The following HDGFL3 variants were observed in gnomAD, a reference collection of about 807,000 sequenced individuals.
HDGFL3 encodes HDGF like 3, also known as hepatoma-derived growth factor-related protein 3.
In HDGFL3, 6 loss-of-function variants were observed where a neutral mutation model predicts 27.6. The ratio of observed to expected loss-of-function variants is 0.22; its 90% CI spans 0.12 to 0.43. The LOEUF (loss-of-function observed/expected upper bound fraction) is 0.43. Ranked by LOEUF, HDGFL3 falls within the 20% of genes least tolerant of loss-of-function variation. The probability of loss-of-function intolerance (pLI) is 1.00; values close to 1 mark genes in which losing one functional copy is unlikely to be tolerated. For synonymous variants in HDGFL3, 88 were observed against 88.9 expected, an observed-to-expected ratio of 0.99 and a Z score of 0.05; for missense variants, 207 against 250.1, an observed-to-expected ratio of 0.83 and a Z score of 1.16.
At chr15:83,144,347 A>G (rs1345259513) in intron 5 of HDGFL3, among the ~76,000 whole-genome samples, 1 of 152,110 alleles carries the variant, frequency 6.6e-6, no homozygotes, top group Non-Finnish European at 1.5e-5. Flanking sequence ...TCTCTACATC[A>G]CATTCTTGTG....
chr15:83,183,563 A>G (rs1215284163), intron 1 of HDGFL3, among the ~76,000 whole-genome samples: 2 of 152,014 alleles, frequency 1.3e-5, no homozygotes, highest in Non-Finnish European at 1.5e-5. Context: ...GAAGTCGAGA[A>G]CAGCCTGGCC....
At chr15:83,189,521 A>C (rs1231729890) in intron 1 of HDGFL3, 1 of 152,192 alleles carries the variant, frequency 6.6e-6, no homozygotes, top group African/African-American at 2.4e-5. Flanking sequence ...GTCTTCCTTT[A>C]TTATACAGAA....
chr15:83,115,274 C>T, exon 4 of HDGFL3: 1 of 220,072 alleles, frequency 4.5e-6, no homozygotes, highest in South Asian at 7.1e-5. Flanking sequence ...TGCACCACCA[C>T]ACCCAGAAAA....
rs1479351747 is a variant in HDGFL3 at position 83,128,673 on chromosome 15, A to G, written c.*10597T>C. 1 of 152,118 alleles carries G rather than the reference A, an allele frequency of 6.6e-6. No homozygotes were observed. Among genetic ancestry groups the G allele is most frequent in the Non-Finnish European group, 1.5e-5 (1 of 68,040 alleles). The allele number at this position is 152,118 out of a possible 1,614,324, so 9.4% of individuals were successfully genotyped here. ...CTTGCATGCCTCACTAGCACCTCAG[A>G]TTTAATATATAAAATAGGACCTGAT... On this transcript the variant is annotated 3_prime_UTR_variant, in exon 6 of 6. Transcript: ENST00000299633.
intron 1 of HDGFL3, among the ~76,000 whole-genome samples, chr15:83,192,076 G>C (rs2037517837): frequency 6.6e-6 from 1 of 151,728 alleles, no homozygotes; most frequent in South Asian, 2.1e-4. Flanking sequence ...CAAGTAGCTG[G>C]GGTTAGAGAT....
intron 1 of HDGFL3, among the ~76,000 whole-genome samples, chr15:83,190,687 T>C (rs937339707): frequency 2.0e-5 from 3 of 152,224 alleles, no homozygotes; most frequent in African/African-American, 7.2e-5. Flanking sequence ...GTTCTATGTA[T>C]GGTAAGCATC....
chr15:83,121,540 CATACTT>C (rs544944655), intron 3 of HDGFL3, among the ~76,000 whole-genome samples: 29 of 152,268 alleles, frequency 1.9e-4, no homozygotes, highest in Middle Eastern at 3.4e-3. Flanking sequence ...AAGTATAACT[CATACTT>C]ATAATGATTA....
In HDGFL3 at chr15:83,155,990, T is replaced by C. The variant is rs1409082420; in HGVS notation, c.459+1425A>G. Among the ~76,000 whole-genome samples the C allele has an allele frequency of 5.3e-5, 8 of 152,220 alleles. No homozygotes were observed. The East Asian group carries it at 1.5e-3, about 29-fold the overall frequency. ...AACCTAGACTTTCAATTTGTAAATC[T>C]AGGATCATGTCATTCCTCTGTTTAA... On this transcript the variant is annotated intron_variant, in intron 4 of 5. Coordinates refer to ENST00000299633, the MANE Select transcript of HDGFL3 (RefSeq NM_016073.4).
rs2036154884 is a variant in HDGFL3 at position 83,130,486 on chromosome 15, G to T, written c.*8784C>A. ...GGCAGCCTGAAGCCCCTCTCTTGAT[G>T]GTGAATGCCCAGATCCAGAGCCTAA... is the stretch of plus-strand genomic sequence containing the variant. On this transcript the variant is annotated 3_prime_UTR_variant, in exon 6 of 6. Transcript: ENST00000299633. 1 of 152,254 alleles carries T rather than the reference G, an allele frequency of 6.6e-6. No homozygotes were observed. Among genetic ancestry groups the T allele is most frequent in the South Asian group, 2.1e-4 (1 of 4,828 alleles). 9.4% of individuals were successfully genotyped at this position (152,254 alleles called of 1,614,324 possible).
At chr15:83,115,860 G>A (rs2034614280) in intron 3 of HDGFL3, 1 of 1,613,986 alleles carries the variant, frequency 6.2e-7, no homozygotes, top group Non-Finnish European at 8.5e-7. Flanking sequence ...GCAGTTTTTG[G>A]ATTTACCAGC....
At chr15:83,123,004 G>A, downstream of HDGFL3, 2 of 1,063,774 alleles carry the variant, frequency 1.9e-6, no homozygotes, top group South Asian at 1.6e-5. Context: ...CAGTGCGACT[G>A]TTTTGATTAT....
chr15:83,173,958 T>C (rs1360406950), intron 1 of HDGFL3, among the ~76,000 whole-genome samples: 1 of 152,226 alleles, frequency 6.6e-6, no homozygotes, highest in Non-Finnish European at 1.5e-5. Flanking sequence ...CCCAAAGTCA[T>C]CTTTGAACTG....
At chr15:83,172,736 G>A (rs186176726) in intron 1 of HDGFL3, among the ~76,000 whole-genome samples, 21 of 151,076 alleles carry the variant, frequency 1.4e-4, no homozygotes, top group African/African-American at 4.4e-4. Flanking sequence ...CAGAAGAATC[G>A]CTTGAATCCA....
At chr15:83,186,611 T>C (rs1259388167) in intron 1 of HDGFL3, among the ~76,000 whole-genome samples, 1 of 152,232 alleles carries the variant, frequency 6.6e-6, no homozygotes, top group African/African-American at 2.4e-5. Flanking sequence ...GCCATTATTT[T>C]AAGTGAAGTA....
rs2037176195 is a variant in HDGFL3, at chr15:83,166,769, C to T, written c.85-2694G>A. On this transcript the variant is annotated intron_variant, in intron 1 of 5. Transcript: ENST00000299633. ...GAGGAAGGAGGCACATCTTACATGT[C>T]CAGAGCAGGAGGAAGAGAGAAAAGG... Among the ~76,000 whole-genome samples, 5 of 152,032 alleles carry T rather than the reference C, an allele frequency of 3.3e-5. No homozygotes were observed. The South Asian group carries it at 1.0e-3, about 32-fold the overall frequency.
chr15:83,144,532 T>C (rs2036852552), intron 5 of HDGFL3: 2 of 455,928 alleles, frequency 4.4e-6, no homozygotes, highest in South Asian at 3.1e-5. Context: ...CCAGCTGCCA[T>C]GCTGTGAGCT....
In HDGFL3 at chr15:83,171,564, AAAG is replaced by A. The variant is rs770237435; in HGVS notation, c.85-7492_85-7490del. Among the ~76,000 whole-genome samples the A allele has an allele frequency of 1.4e-4, 22 of 152,346 alleles. 1 individual carries two copies. Among genetic ancestry groups the A allele is most frequent in the Non-Finnish European group, 2.2e-4 (15 of 68,028 alleles). ...CCAAGGAATACTACATAGTCATACA[AAAG>A]AACAAAATCATGTCCTCTGCAGCAA... On this transcript the variant is annotated intron_variant, in intron 1 of 5. Coordinates refer to ENST00000299633, the MANE Select transcript of HDGFL3 (RefSeq NM_016073.4).
At chr15:83,161,833 A>G (rs2151404475) in intron 2 of HDGFL3, among the ~76,000 whole-genome samples, 1 of 152,360 alleles carries the variant, frequency 6.6e-6, no homozygotes, top group South Asian at 2.1e-4. Flanking sequence ...TTTTTTAAGC[A>G]TAGAAAAGAA....
At chr15:83,144,044 C>T (rs1567165641) in intron 5 of HDGFL3, among the ~76,000 whole-genome samples, 3 of 152,190 alleles carry the variant, frequency 2.0e-5, no homozygotes, top group Admixed American at 6.5e-5. Context: ...AGACCTTCCC[C>T]TCCACTGACT....
Sources: allele counts gnomAD v4.1 joint callset (sites outside exome capture counted in the v4.1 genomes callset), GRCh38; gene constraint gnomAD v4.1.1; transcripts MANE v1.5; gene names NCBI Gene and HGNC (gene_info 2026-07-23, HGNC 2026-07-21).